RAB11FIP2: variants seen among roughly 807,000 people sequenced by gnomAD.
The protein encoded by RAB11FIP2 is rab11 family-interacting protein 2.
Under a neutral mutation model 40.9 loss-of-function variants are expected in RAB11FIP2, and 16 were observed. That is an observed-to-expected ratio of 0.39 (90% CI 0.26 to 0.59). The LOEUF (loss-of-function observed/expected upper bound fraction) is 0.59, where lower values mean the gene tolerates loss of function less well. RAB11FIP2 is among the 20% of genes least tolerant of loss of function. The pLI is 0.53. For synonymous variants in RAB11FIP2, 228 were observed against 213.7 expected (o/e 1.07, Z -0.58); for missense variants, 532 against 606.2 (o/e 0.88, Z 1.28).
chr10:118,039,346 G>A lies in RAB11FIP2; in HGVS notation c.891C>T (p.Phe297=), dbSNP rs142702621. ...DSIVDEGELC[F]GRQNDPFTNV... ...TTGTAAATGGGTCATTTTGTCTTCC[G>A]AAACACAATTCACCTTCATCCACAA... Residue 297 remains phenylalanine (F), a synonymous_variant, in exon 3 of 5, where the codon TTC becomes TTT. Transcript: ENST00000355624. The A allele has an allele frequency of 7.9e-5, 127 of 1,613,388 alleles. No homozygotes were observed. The highest frequency in any genetic ancestry group is 6.6e-4 in the Middle Eastern group (4 of 6,082).
Position 118,046,235 on chromosome 10 carries a change from T to C in RAB11FIP2, c.-72A>G, listed in dbSNP as rs1422269078. 2.4e-6 allele frequency: 3 copies of C among 1,258,986 alleles called. No homozygotes were observed. The highest frequency in any genetic ancestry group is 3.4e-6 in the Non-Finnish European group (3 of 880,192). 78.0% of individuals were successfully genotyped at this position (1,258,986 alleles called of 1,614,324 possible). On this transcript the variant is annotated 5_prime_UTR_variant, in exon 1 of 5. Coordinates refer to ENST00000355624, the MANE Select transcript of RAB11FIP2 (RefSeq NM_014904.3). ...CCTCCCGGAGGGAGAGCCTAATTCC[T>C]TAATCACTGCATCCTAAGGACACTT...
chr10:118,033,586 T>C (rs1846444924), intron 3 of RAB11FIP2, among the ~76,000 whole-genome samples: 1 of 152,112 alleles, frequency 6.6e-6, no homozygotes, highest in South Asian at 2.1e-4. Flanking sequence ...GAAGACGGCA[T>C]GGCTTACAAG....
rs1014679707 is a variant in RAB11FIP2 at position 118,005,522 on chromosome 10, G to A, written c.*3476C>T. 1 of 152,476 alleles carries A rather than the reference G, an allele frequency of 6.6e-6. No individual in the cohort carries two copies. The highest frequency in any genetic ancestry group is 6.6e-5 in the Admixed American group (1 of 15,254). 9.4% of individuals were successfully genotyped at this position (152,476 alleles called of 1,614,324 possible). On this transcript the variant is annotated 3_prime_UTR_variant, in exon 5 of 5. Coordinates refer to ENST00000355624, the MANE Select transcript of RAB11FIP2 (RefSeq NM_014904.3). ...CATACCATCATGGCCCAGCAGCACT[G>A]TGATCCTTTCCCTTATTTCAAAGGG...
rs1337641383 is a variant in RAB11FIP2 at position 118,040,589 on chromosome 10, G to C, written c.354-24C>G. 6 of 1,501,332 alleles carry C rather than the reference G, an allele frequency of 4.0e-6. No individual in the cohort carries two copies. The East Asian group carries it at 1.4e-4, about 34-fold the overall frequency. The allele number at this position is 1,501,332 out of a possible 1,614,324, so 93.0% of individuals were successfully genotyped here. ...ACCTTAAAGAGAAGAAAAAAAAATT[G>C]GCTGTAACACATAATAGAGAGAGGA... On this transcript the variant is annotated intron_variant, in intron 1 of 4. Coordinates refer to ENST00000355624, the MANE Select transcript of RAB11FIP2 (RefSeq NM_014904.3).
Position 118,046,049 on chromosome 10 carries a change from T to C in RAB11FIP2, c.115A>G (p.Ile39Val), listed in dbSNP as rs776319208. The change falls in exon 1 of 5, where the codon ATA becomes GTA. Residue 39 changes from isoleucine (I) to valine (V), a missense_variant. By Grantham distance (29) the Ile-to-Val change is conservative. Transcript: ENST00000355624. ...TACTTTTCCTTGCCCAGCTGAATTA[T>C]AGTGTATGTGTCATTGGTACCACTT... The part of the protein sequence containing the change: ...GKSGTNDTYT[I>V]IQLGKEKYST... 38 of 1,614,086 alleles carry C rather than the reference T, an allele frequency of 2.4e-5. 1 individual carries two copies. Among genetic ancestry groups the C allele is most frequent in the Middle Eastern group, 1.6e-4 (1 of 6,084 alleles).
intron 3 of RAB11FIP2, among the ~76,000 whole-genome samples, chr10:118,019,089 T>C (rs1846254187): frequency 6.6e-6 from 1 of 151,706 alleles, no homozygotes. Flanking sequence ...TATAAGACAA[T>C]GTAAACCATA....
At chr10:118,027,937 G>A (rs902065131) in intron 3 of RAB11FIP2, among the ~76,000 whole-genome samples, 1 of 152,088 alleles carries the variant, frequency 6.6e-6, no homozygotes, top group African/African-American at 2.4e-5. Context: ...CATTGAAGAA[G>A]CACTTCCCAA....
At chr10:118,043,076 G>A (rs1846581959) in intron 1 of RAB11FIP2, among the ~76,000 whole-genome samples, 1 of 152,062 alleles carries the variant, frequency 6.6e-6, no homozygotes, top group South Asian at 2.1e-4. Flanking sequence ...GATTTAAACT[G>A]TACATGGCCT....
chr10:118,036,916 C>T (rs1258025546), intron 3 of RAB11FIP2, among the ~76,000 whole-genome samples: 1 of 152,108 alleles, frequency 6.6e-6, no homozygotes, highest in Non-Finnish European at 1.5e-5. Context: ...ACATAAACAA[C>T]TCAAATACAG....
chr10:118,046,201 G>A lies in RAB11FIP2; in HGVS notation c.-38C>T, dbSNP rs766863344. On this transcript the variant is annotated 5_prime_UTR_variant, in exon 1 of 5. Coordinates refer to ENST00000355624, the MANE Select transcript of RAB11FIP2 (RefSeq NM_014904.3). Reference sequence around the variant, plus strand: ...CTCTGCCCCCGAGTTCCCTAGCACAGGCAGTGCCCCTCCCGGAGGGAGAGC... The same window carrying A: ...CTCTGCCCCCGAGTTCCCTAGCACAAGCAGTGCCCCTCCCGGAGGGAGAGC... 1.2e-5 allele frequency: 18 copies of A among 1,553,296 alleles called. No individual in the cohort carries two copies. The highest frequency in any genetic ancestry group is 1.6e-5 in the Non-Finnish European group (18 of 1,132,346).
In RAB11FIP2 at chr10:118,007,079, T is replaced by C. The variant is rs375066984; in HGVS notation, c.*1919A>G. ...ACATAGATTTTCACATTTTAAGAAG[T>C]GTATGAAAAGACTCAATAATACTAC... On this transcript the variant is annotated 3_prime_UTR_variant, in exon 5 of 5. Transcript: ENST00000355624. The C allele has an allele frequency of 2.0e-5, 3 of 151,722 alleles. No homozygotes were observed. Among genetic ancestry groups the C allele is most frequent in the African/African-American group, 7.3e-5 (3 of 41,214 alleles). The allele number at this position is 151,722 out of a possible 1,614,324, so 9.4% of individuals were successfully genotyped here. A position where few individuals can be genotyped will look rare whatever the true frequency, so the allele number is the denominator to read the frequency against.
At position 118,022,911 on chromosome 10, in the gene RAB11FIP2, T is replaced by C. The variant is rs1279038765; in HGVS notation, c.1266-7801A>G. Among the ~76,000 whole-genome samples the C allele has an allele frequency of 4.6e-5, 7 of 152,232 alleles. No individual in the cohort carries two copies. In the East Asian group the frequency reaches 1.3e-3, roughly 29 times the overall value. On this transcript the variant is annotated intron_variant, in intron 3 of 4. Transcript: ENST00000355624. ...GGCAATATAAGTTCCACCAACAAGA[T>C]ACCAAGTCCCCAAAGAGTGGAAGAA...
intron 3 of RAB11FIP2, among the ~76,000 whole-genome samples, chr10:118,028,529 T>C (rs1192209420): frequency 6.6e-6 from 1 of 152,120 alleles, no homozygotes; most frequent in Non-Finnish European, 1.5e-5. Context: ...ACAAGGTAAC[T>C]GTACCACCAT....
In RAB11FIP2 at chr10:118,040,317, GAAA is replaced by G; in HGVS notation, c.599_601del (p.Phe200del). 6.2e-7 allele frequency: 1 copy of G among 1,613,894 alleles called. No individual in the cohort carries two copies. Among genetic ancestry groups the G allele is most frequent in the South Asian group, 1.1e-5 (1 of 91,078 alleles). The stretch of plus-strand genomic sequence containing the variant: ...GGATTTCATCTGTATTTCACCACTT[GAAA>G]ATTCACTATTGGCATCGGGCATGTG... On this transcript the variant is annotated inframe_deletion, in exon 2 of 5. Coordinates refer to ENST00000355624, the MANE Select transcript of RAB11FIP2 (RefSeq NM_014904.3).
At chr10:118,017,960 G>T (rs1846240909) in intron 3 of RAB11FIP2, 1 of 152,182 alleles carries the variant, frequency 6.6e-6, no homozygotes, top group Non-Finnish European at 1.5e-5. Context: ...AAATGCCTGA[G>T]AATTCCTAAG....
At chr10:118,023,561 T>C (rs892498265) in intron 3 of RAB11FIP2, among the ~76,000 whole-genome samples, 2 of 152,200 alleles carry the variant, frequency 1.3e-5, no homozygotes, top group Non-Finnish European at 2.9e-5. Context: ...AGTAATTTAC[T>C]TATTAATATT....
At position 118,009,040 on chromosome 10, in the gene RAB11FIP2, C is replaced by T. The variant is rs7923321; in HGVS notation, c.1497G>A (p.Pro499=). ...TGCCAGCTTTCCTGGATGGTTCATA[C>T]GGCACTCTGAGAATACTGGGCGTTT... ...MEETPSILRV[P]YEPSRKAGKF... Residue 499 remains proline, a synonymous_variant, in exon 5 of 5, where the codon CCG becomes CCA. Transcript: ENST00000355624. The T allele has an allele frequency of 0.93, 1,508,372 of 1,613,360 alleles. 710,404 individuals carry two copies. The highest frequency in any genetic ancestry group is 0.97 in the Middle Eastern group (5,882 of 6,060).
At chr10:118,021,601 T>C (rs1396977987) in intron 3 of RAB11FIP2, among the ~76,000 whole-genome samples, 1 of 152,224 alleles carries the variant, frequency 6.6e-6, no homozygotes, top group Non-Finnish European at 1.5e-5. Flanking sequence ...GACTCATTCA[T>C]ATTCTTTAAT....
Position 118,046,714 on chromosome 10 carries a change from C to G in RAB11FIP2, c.-551G>C, listed in dbSNP as rs1013745608. 2 of 152,344 alleles carry G rather than the reference C, an allele frequency of 1.3e-5. No individual in the cohort carries two copies. The highest frequency in any genetic ancestry group is 2.9e-5 in the Non-Finnish European group (2 of 68,200). 9.4% of individuals were successfully genotyped at this position (152,344 alleles called of 1,614,324 possible). On this transcript the variant is annotated 5_prime_UTR_variant, in exon 1 of 5. Coordinates refer to ENST00000355624, the MANE Select transcript of RAB11FIP2 (RefSeq NM_014904.3). ...TCGCAAACCTCTCCCTCCTCCTCCT[C>G]CCCCTCGCCTCAGCTCCTCCTCTCG...
Sources: allele counts gnomAD v4.1 joint callset (sites outside exome capture counted in the v4.1 genomes callset), GRCh38; gene constraint gnomAD v4.1.1; transcripts MANE v1.5; gene names NCBI Gene and HGNC (gene_info 2026-07-23, HGNC 2026-07-21).